Variants in CCDC107 observed in about 807,000 individuals in gnomAD.
The protein encoded by CCDC107 is coiled-coil domain containing 107.
A neutral mutation model predicts 17.9 loss-of-function variants in CCDC107; 17 were observed. The observed-to-expected ratio is 0.95, with a 90% CI of 0.65 to 1.42. The LOEUF (loss-of-function observed/expected upper bound fraction) is 1.42. CCDC107 is among the 40% of genes most tolerant of loss of function. The pLI, the probability that CCDC107 is intolerant of heterozygous loss-of-function variation, is 0.00. For synonymous variants in CCDC107, 170 were observed against 157.2 expected, an observed-to-expected ratio of 1.08 and a Z score of -0.61; for missense variants, 388 against 360.1, an observed-to-expected ratio of 1.08 and a Z score of -0.63.
Position 35,660,677 on chromosome 9 carries a change from T to G in CCDC107, c.410+30T>G, listed in dbSNP as rs41304745. ...GGAGAGCAATGATTCTGTGAATTTT[T>G]GGGGAATTTGTGGCAGGAGGGAGGA... On this transcript the variant is annotated intron_variant, in intron 4 of 4. Coordinates refer to ENST00000426546, the MANE Select transcript of CCDC107 (RefSeq NM_174923.3). 3.0e-3 allele frequency: 4,893 copies of G among 1,614,052 alleles called. 13 individuals carry two copies. Among genetic ancestry groups the G allele is most frequent in the Non-Finnish European group, 3.5e-3 (4,099 of 1,179,968 alleles).
Position 35,658,402 on chromosome 9 carries a change from T to A in CCDC107, c.23T>A (p.Leu8Ter), listed in dbSNP as rs1161510583. The change falls in exon 1 of 5, where the codon TTG (leucine) becomes TAG (stop). Residue 8 changes from leucine to a stop codon, truncating the protein, a stop_gained. Transcript: ENST00000426546. LOFTEE classifies it high-confidence loss of function. MAGAVSL[L>*]GVVGLLLVSA... ...GCAATGGCGGGCGCAGTTTCGCTCT[T>A]GGGTGTGGTGGGGCTGCTGCTTGTG... 8 of 1,427,996 alleles carry A rather than the reference T, an allele frequency of 5.6e-6. No individual in the cohort carries two copies. The South Asian group carries it at 1.2e-4, about 21-fold the overall frequency. 88.5% of individuals were successfully genotyped at this position (1,427,996 alleles called of 1,614,324 possible).
chr9:35,658,573 C>A lies in CCDC107; in HGVS notation c.107-3C>A. The stretch of plus-strand genomic sequence containing the variant: ...CTGACTCGCCTGTATCCTCCCTCCG[C>A]AGGGAACGCAGCCCACCCCGGCTCT... On this transcript the variant is annotated splice_polypyrimidine_tract_variant and splice_region_variant and intron_variant, in intron 1 of 4. Transcript: ENST00000426546. 6.3e-7 allele frequency: 1 copy of A among 1,579,554 alleles called. No individual in the cohort carries two copies. The highest frequency in any genetic ancestry group is 8.5e-7 in the Non-Finnish European group (1 of 1,170,966).
Position 35,660,798 on chromosome 9 carries a change from A to G in CCDC107, c.463A>G (p.Thr155Ala), listed in dbSNP as rs1170103064. The change falls in exon 5 of 5, where the codon ACC (threonine) becomes GCC (alanine). Residue 155 changes from threonine to alanine, a missense_variant. Physicochemically the swap from Thr to Ala is moderately conservative, Grantham distance 58. Transcript: ENST00000426546. ...GGAGCTTCTGAACATGAAGCTATGGACCATCCACGAGCTGCTGCAAGATAG... is the reference window on the plus strand; with the variant it reads ...GGAGCTTCTGAACATGAAGCTATGGGCCATCCACGAGCTGCTGCAAGATAG... ...QQELLNMKLWTIHELLQDSKP... is the reference protein window; with the variant it reads ...QQELLNMKLWAIHELLQDSKP... 1.2e-6 allele frequency: 2 copies of G among 1,614,048 alleles called. No homozygotes were observed. The highest frequency in any genetic ancestry group is 1.1e-5 in the South Asian group (1 of 91,092).
intron 2 of CCDC107, chr9:35,660,164 C>G (rs1020374925): frequency 6.8e-6 from 3 of 438,062 alleles, no homozygotes; most frequent in African/African-American, 6.1e-5. Context: ...TTTTTCAAAC[C>G]GGAGGGAGTT....
Position 35,660,869 on chromosome 9 carries a change from G to T in CCDC107, c.534G>T (p.Ser178=), listed in dbSNP as rs1389921710. The T allele has an allele frequency of 6.2e-7, 1 of 1,614,134 alleles. No homozygotes were observed. Among genetic ancestry groups the T allele is most frequent in the Non-Finnish European group, 8.5e-7 (1 of 1,180,032 alleles). Residue 178 remains serine, a synonymous_variant, in exon 5 of 5, where the codon TCG becomes TCT. Transcript: ENST00000426546. The part of the protein sequence containing the change: ...DMEASEPGEG[S]GGESAGGGDK... ...AGGCTTCAGAACCAGGTGAAGGCTC[G>T]GGAGGCGAGTCTGCTGGAGGTGGAG...
chr9:35,660,425 C>T lies in CCDC107; in HGVS notation c.283C>T (p.His95Tyr), dbSNP rs753563292. 2.5e-6 allele frequency: 4 copies of T among 1,610,488 alleles called. No individual in the cohort carries two copies. The East Asian group carries it at 6.7e-5, about 27-fold the overall frequency. The change falls in exon 3 of 5, where the codon CAC becomes TAC. Residue 95 changes from histidine (H) to tyrosine (Y), a missense_variant. His to Tyr is a moderately conservative substitution (Grantham distance 83). Transcript: ENST00000426546. ...GGGGAAAGATGAAACTGCGGTTCTCCACGAGGAGGCAAGCAAGCAGCAGCC... is the reference window on the plus strand; with the variant it reads ...GGGGAAAGATGAAACTGCGGTTCTCTACGAGGAGGCAAGCAAGCAGCAGCC... ...LQGKDETAVL[H>Y]EEASKQQPLQ...
chr9:35,659,312 C>G (rs1299985766), intron 2 of CCDC107: 1 of 152,228 alleles, frequency 6.6e-6, no homozygotes, highest in Non-Finnish European at 1.5e-5. Context: ...GAAGAGATAG[C>G]TAATAATGAC....
chr9:35,661,320 AGAG>A lies in CCDC107; in HGVS notation c.*134_*136del, dbSNP rs2131822045. ...AGAGGCTGCCTTCCAGTGTGACAGC[AGAG>A]AAGATAGAGGGAGCTCCAGCTCTTT... On this transcript the variant is annotated 3_prime_UTR_variant, in exon 5 of 5. Transcript: ENST00000426546. The A allele has an allele frequency of 1.6e-6, 1 of 630,578 alleles. No individual in the cohort carries two copies. Among genetic ancestry groups the A allele is most frequent in the African/African-American group, 1.8e-5 (1 of 54,394 alleles). 39.1% of individuals were successfully genotyped at this position (630,578 alleles called of 1,614,324 possible). A position where few individuals can be genotyped will look rare whatever the true frequency, so the allele number is the denominator to read the frequency against.
chr9:35,658,595 C>A lies in CCDC107; in HGVS notation c.126C>A (p.Gly42=). The part of the protein sequence containing the change: ...RAHPGNAAHP[G]SGATEPRRRP... ...CCGCAGGGAACGCAGCCCACCCCGGCTCTGGAGCCACGGAACCCCGGCGGC... is the reference window on the plus strand; with the variant it reads ...CCGCAGGGAACGCAGCCCACCCCGGATCTGGAGCCACGGAACCCCGGCGGC... The change falls in exon 2 of 5, where the codon GGC becomes GGA. Residue 42 remains glycine, a synonymous_variant. Coordinates refer to ENST00000426546, the MANE Select transcript of CCDC107 (RefSeq NM_174923.3). 1.9e-6 allele frequency: 3 copies of A among 1,583,138 alleles called. No homozygotes were observed. The highest frequency in any genetic ancestry group is 2.6e-6 in the Non-Finnish European group (3 of 1,172,956).
Position 35,661,255 on chromosome 9 carries a change from A to G in CCDC107, c.*68A>G. 8.8e-7 allele frequency: 1 copy of G among 1,140,822 alleles called. No individual in the cohort carries two copies. The highest frequency in any genetic ancestry group is 2.4e-5 in the East Asian group (1 of 41,600). 70.7% of individuals were successfully genotyped at this position (1,140,822 alleles called of 1,614,324 possible). ...ACACCCATACTAGGTGCCTAAGGAC[A>G]ACTGGGCCTTCTTGAAGAGCTGTCC... On this transcript the variant is annotated 3_prime_UTR_variant, in exon 5 of 5. Transcript: ENST00000426546.
chr9:35,660,554 C>T lies in CCDC107; in HGVS notation c.320-3C>T. Reference sequence around the variant, plus strand: ...TCTGCCCCCTTTTTTCCCTTATCCCCAGAGCAACAGCTGGCCCAGTTGACA... The same window carrying T: ...TCTGCCCCCTTTTTTCCCTTATCCCTAGAGCAACAGCTGGCCCAGTTGACA... On this transcript the variant is annotated splice_polypyrimidine_tract_variant and splice_region_variant and intron_variant, in intron 3 of 4. Transcript: ENST00000426546. 6.2e-7 allele frequency: 1 copy of T among 1,614,102 alleles called. No individual in the cohort carries two copies. Among genetic ancestry groups the T allele is most frequent in the Non-Finnish European group, 8.5e-7 (1 of 1,180,022 alleles).
Position 35,661,202 on chromosome 9 carries a change from G to A in CCDC107, c.*15G>A. 1 of 1,566,512 alleles carries A rather than the reference G, an allele frequency of 6.4e-7. No individual in the cohort carries two copies. Among genetic ancestry groups the A allele is most frequent in the South Asian group, 1.2e-5 (1 of 83,424 alleles). ...TGTTTTCATGATGGAGTGCTCCTGT[G>A]TGTTTTTTCGATCCTAGTTGGTTGT... On this transcript the variant is annotated 3_prime_UTR_variant, in exon 5 of 5. Transcript: ENST00000426546.
rs1453264337 is a variant in CCDC107, at chr9:35,658,662, T to C, written c.193T>C (p.Ser65Pro). ...TCAACGCGAGCGGACCCGGGCCGGG[T>C]CGCTGCCTCTGGGGGCGCTGTACAC... ...KDQRERTRAGSLPLGALYTAA... is the reference protein window; with the variant it reads ...KDQRERTRAGPLPLGALYTAA... The change falls in exon 2 of 5, where the codon TCG becomes CCG. Residue 65 changes from serine (S) to proline (P), a missense_variant. Transcript: ENST00000426546. 1.3e-6 allele frequency: 2 copies of C among 1,572,974 alleles called. No homozygotes were observed. The highest frequency in any genetic ancestry group is 1.7e-6 in the Non-Finnish European group (2 of 1,165,940).
rs371120243 is a variant in CCDC107 at position 35,661,184 on chromosome 9, A to G, written c.849A>G (p.Ser283=). The change falls in exon 5 of 5, where the codon TCA becomes TCG. Residue 283 remains serine (S), a synonymous_variant. Transcript: ENST00000426546. ...GTCGACTAAAACAAAGTCTGTTTTC[A>G]TGATGGAGTGCTCCTGTGTGTTTTT... The part of the protein sequence containing the change: ...AEGRLKQSLF[S] The G allele has an allele frequency of 1.3e-6, 2 of 1,590,686 alleles. No homozygotes were observed. The highest frequency in any genetic ancestry group is 1.3e-5 in the African/African-American group (1 of 74,346).
At position 35,660,816 on chromosome 9, in the gene CCDC107, C is replaced by T. The variant is rs374363949; in HGVS notation, c.481C>T (p.Gln161Ter). The change falls in exon 5 of 5, where the codon CAA becomes TAA. Residue 161 changes from glutamine to a stop codon, truncating the protein, a stop_gained. Coordinates refer to ENST00000426546, the MANE Select transcript of CCDC107 (RefSeq NM_174923.3). LOFTEE classifies it low-confidence loss of function (END_TRUNC). ...GCTATGGACCATCCACGAGCTGCTG[C>T]AAGATAGCAAGCCGGACAAGGATAT... ...MKLWTIHELL[Q>*]DSKPDKDMEA... The T allele has an allele frequency of 1.8e-5, 29 of 1,614,146 alleles. No homozygotes were observed. Among genetic ancestry groups the T allele is most frequent in the Admixed American group, 3.3e-5 (2 of 60,016 alleles).
In CCDC107 at chr9:35,660,673, T is replaced by G. The variant is rs78043355; in HGVS notation, c.410+26T>G. The G allele has an allele frequency of 4.5e-3, 7,211 of 1,613,968 alleles. 253 individuals are homozygous for G. In the African/African-American group the frequency reaches 0.084, roughly 19 times the overall value. On this transcript the variant is annotated intron_variant, in intron 4 of 4. Transcript: ENST00000426546. ...GTGAGGAGAGCAATGATTCTGTGAA[T>G]TTTTGGGGAATTTGTGGCAGGAGGG...
intron 2 of CCDC107, chr9:35,659,386 G>C (rs1467762642): frequency 6.6e-6 from 1 of 152,234 alleles, no homozygotes; most frequent in African/African-American, 2.4e-5. Flanking sequence ...GAGAAGGATA[G>C]ACTAGTAAAT....
chr9:35,658,355 C>T lies in CCDC107; in HGVS notation c.-25C>T, dbSNP rs1426713415. On this transcript the variant is annotated 5_prime_UTR_variant, in exon 1 of 5. Coordinates refer to ENST00000426546, the MANE Select transcript of CCDC107 (RefSeq NM_174923.3). ...CCGGACCGCTTCGGCACCGCCCGCC[C>T]GATCCCTCCACCCGTGGGCCGGCAA... is the stretch of plus-strand genomic sequence containing the variant. The T allele has an allele frequency of 4.4e-6, 6 of 1,358,930 alleles. No homozygotes were observed. Among genetic ancestry groups the T allele is most frequent in the Admixed American group, 3.5e-5 (1 of 28,878 alleles). The allele number at this position is 1,358,930 out of a possible 1,614,324, so 84.2% of individuals were successfully genotyped here.
intron 2 of CCDC107, chr9:35,659,467 G>A (rs1327614552): frequency 6.6e-6 from 1 of 152,192 alleles, no homozygotes; most frequent in Non-Finnish European, 1.5e-5. Flanking sequence ...AGAGAGTTAG[G>A]CATTCCAGTT....
Sources: gnomAD v4.1 joint callset for allele counts on GRCh38, gnomAD v4.1.1 for gene constraint, MANE v1.5 for transcripts, NCBI Gene and HGNC (gene_info 2026-07-23, HGNC 2026-07-21) for gene names.